Variants in CLN8 observed in about 807,000 individuals in gnomAD.
CLN8 encodes the protein protein CLN8.
In CLN8, 14 loss-of-function variants were observed where a neutral mutation model predicts 15.7. The observed-to-expected ratio is 0.89, with a 90% CI of 0.59 to 1.39. The LOEUF (loss-of-function observed/expected upper bound fraction) is 1.39, where lower values mean the gene tolerates loss of function less well. Ranked by LOEUF, CLN8 falls within the 40% of genes most tolerant of loss-of-function variation. The pLI, the probability that CLN8 is intolerant of heterozygous loss-of-function variation, is 0.00. For missense variants in CLN8, 415 were observed against 364.0 expected, an observed-to-expected ratio of 1.14 and a Z score of -1.14; for synonymous variants, 188 against 151.0, an observed-to-expected ratio of 1.25 and a Z score of -1.80.
chr8:1,766,853 G>C (rs952295772), intron 1 of CLN8, among the ~76,000 whole-genome samples: 1 of 152,228 alleles, frequency 6.6e-6, no homozygotes, highest in Admixed American at 6.5e-5. Flanking sequence ...GTGTGGTTGG[G>C]TCAAGGAGCA....
chr8:1,779,659 G>A (rs1393001065), intron 2 of CLN8, among the ~76,000 whole-genome samples: 2 of 152,216 alleles, frequency 1.3e-5, no homozygotes, highest in Non-Finnish European at 2.9e-5. Context: ...CACAGTTTTG[G>A]AGGCTGCAAG....
At chr8:1,757,856 A>G (rs1800708095) in intron 1 of CLN8, among the ~76,000 whole-genome samples, 1 of 152,016 alleles carries the variant, frequency 6.6e-6, no homozygotes, top group African/African-American at 2.4e-5. Flanking sequence ...CGGGGTTATC[A>G]TTTTCAACAG....
At chr8:1,772,006 G>A (rs1453638721) in intron 2 of CLN8, among the ~76,000 whole-genome samples, 2 of 151,846 alleles carry the variant, frequency 1.3e-5, no homozygotes, top group African/African-American at 4.8e-5. Context: ...CATGGTTTCG[G>A]CTCACTGCAA....
chr8:1,758,930 GGC>G (rs1356643618), upstream of CLN8: 1 of 152,174 alleles, frequency 6.6e-6, no homozygotes, highest in East Asian at 1.9e-4. Flanking sequence ...AGGGGATTCT[GGC>G]AGGATGTGGA....
intron 1 of CLN8, among the ~76,000 whole-genome samples, chr8:1,767,858 A>C (rs1158191420): frequency 6.6e-6 from 1 of 151,564 alleles, no homozygotes; most frequent in Non-Finnish European, 1.5e-5. Context: ...GGCGTGCGCC[A>C]CTGCACTCGG....
chr8:1,767,875 C>T (rs1321520910), intron 1 of CLN8, among the ~76,000 whole-genome samples: 3 of 151,068 alleles, frequency 2.0e-5, no homozygotes, highest in East Asian at 3.9e-4. Context: ...TCGGCCTGCT[C>T]TGTGTATTTC....
chr8:1,756,867 G>C (rs555959525), intron 1 of CLN8, among the ~76,000 whole-genome samples: 69 of 152,096 alleles, frequency 4.5e-4, no homozygotes, highest in South Asian at 3.1e-3. Flanking sequence ...ATTTTTAGTA[G>C]AGACGGGGTT....
chr8:1,774,540 T>C (rs1278150011), intron 2 of CLN8, among the ~76,000 whole-genome samples: 1 of 152,206 alleles, frequency 6.6e-6, no homozygotes, highest in African/African-American at 2.4e-5. Context: ...AAGGTCTGAT[T>C]TGATCAGAAC....
At chr8:1,775,738 G>A (rs1391893397) in intron 2 of CLN8, among the ~76,000 whole-genome samples, 2 of 152,180 alleles carry the variant, frequency 1.3e-5, no homozygotes, top group African/African-American at 4.8e-5. Context: ...ACTGTGTGGG[G>A]CCTTCCAGCT....
chr8:1,776,722 G>A (rs1801532811), intron 2 of CLN8, among the ~76,000 whole-genome samples: 1 of 152,196 alleles, frequency 6.6e-6, no homozygotes. Flanking sequence ...TGAGACTTCT[G>A]GTGTCCTTGC....
At position 1,780,258 on chromosome 8, in the gene CLN8, G is replaced by C. The variant is rs770719909; in HGVS notation, c.552G>C (p.Trp184Cys). The change falls in exon 3 of 3, where the codon TGG (tryptophan) becomes TGC (cysteine). Residue 184 changes from tryptophan (W) to cysteine (C), a missense_variant. Coordinates refer to ENST00000331222, the MANE Select transcript of CLN8 (RefSeq NM_018941.4). ...GTCTTCTCTCCATGCAGGCGGGCTG[G>C]TCCGAGTCTCTGTTTTGGAAGCTCA... The part of the protein sequence containing the change: ...CVSWMLLKAG[W>C]SESLFWKLNQ... The C allele has an allele frequency of 3.7e-6, 6 of 1,614,258 alleles. No homozygotes were observed. The highest frequency in any genetic ancestry group is 5.1e-6 in the Non-Finnish European group (6 of 1,180,052).
At position 1,784,229 on chromosome 8, in the gene CLN8, G is replaced by C. The variant is rs1801776579; in HGVS notation, c.*3662G>C. ...GAACCTGGGAGGCAGAGATTGCAGT[G>C]AGCCGAGATCACGCCATTGCACTCC... On this transcript the variant is annotated 3_prime_UTR_variant, in exon 3 of 3. Coordinates refer to ENST00000331222, the MANE Select transcript of CLN8 (RefSeq NM_018941.4). The C allele has an allele frequency of 6.6e-6, 1 of 152,036 alleles. No individual in the cohort carries two copies. Among genetic ancestry groups the C allele is most frequent in the African/African-American group, 2.4e-5 (1 of 41,242 alleles). The allele number at this position is 152,036 out of a possible 1,614,324, so 9.4% of individuals were successfully genotyped here.
At chr8:1,772,788 G>A (rs1801366943) in intron 2 of CLN8, 1 of 385,214 alleles carries the variant, frequency 2.6e-6, no homozygotes, top group African/African-American at 2.1e-5. Context: ...CCTTAAAATT[G>A]TTTTTACATA....
At chr8:1,764,639 A>G (rs1038598332) in intron 1 of CLN8, 5 of 152,808 alleles carry the variant, frequency 3.3e-5, no homozygotes, top group African/African-American at 9.7e-5. Flanking sequence ...GCGGGGAGGG[A>G]CGCTGGGTAA....
chr8:1,785,027 T>C lies in CLN8; in HGVS notation c.*4460T>C, dbSNP rs1285518710. 6 of 152,708 alleles carry C rather than the reference T, an allele frequency of 3.9e-5. No individual in the cohort carries two copies. Among genetic ancestry groups the C allele is most frequent in the African/African-American group, 9.6e-5 (4 of 41,590 alleles). The allele number at this position is 152,708 out of a possible 1,614,324, so 9.5% of individuals were successfully genotyped here. Reference sequence around the variant, plus strand: ...GATGTTGTGTGCATGTGAGAAAGCATTTGATAGCATGCCAAAAGTTTCCTC... The same window carrying C: ...GATGTTGTGTGCATGTGAGAAAGCACTTGATAGCATGCCAAAAGTTTCCTC... On this transcript the variant is annotated 3_prime_UTR_variant, in exon 3 of 3. Coordinates refer to ENST00000331222, the MANE Select transcript of CLN8 (RefSeq NM_018941.4).
rs191486114 is a variant in CLN8, at chr8:1,769,129, T to C, written c.-123-1803T>C. On this transcript the variant is annotated intron_variant, in intron 1 of 2. Coordinates refer to ENST00000331222, the MANE Select transcript of CLN8 (RefSeq NM_018941.4). ...AAACAGAGCTAGTCTGTGTTAAAGC[T>C]GGAGTGTTAATGGAGAAACAGACAA... 2.7e-3 allele frequency among the ~76,000 whole-genome samples: 407 copies of C among 152,300 alleles called. 1 individual carries two copies. The highest frequency in any genetic ancestry group is 2.6e-3 in the Non-Finnish European group (174 of 68,028).
chr8:1,768,130 G>T (rs1043206185), intron 1 of CLN8, among the ~76,000 whole-genome samples: 2 of 151,776 alleles, frequency 1.3e-5, no homozygotes, highest in African/African-American at 4.8e-5. Flanking sequence ...TTTTAGTAGA[G>T]GCAGGGTTTT....
chr8:1,780,027 G>C (rs1585151029), intron 2 of CLN8: 3 of 985,494 alleles, frequency 3.0e-6, no homozygotes, highest in African/African-American at 3.5e-5. Context: ...AACAGCATGA[G>C]CGGGCAAGGG....
chr8:1,763,434 C>T, upstream of CLN8: 1 of 20,020 alleles, frequency 5.0e-5, no homozygotes, highest in Admixed American at 3.6e-4. Context: ...CCCCGCCGCG[C>T]CCCGCCCCCC....
Sources: gnomAD v4.1 joint callset for allele counts (sites outside exome capture counted in the v4.1 genomes callset) on GRCh38, gnomAD v4.1.1 for gene constraint, MANE v1.5 for transcripts, NCBI Gene and HGNC (gene_info 2026-07-23, HGNC 2026-07-21) for gene names.